The following TRPM6 variants were observed in gnomAD, a reference collection of about 807,000 sequenced individuals.
TRPM6 encodes channel kinase 2.
In TRPM6, 111 loss-of-function variants were observed where a neutral mutation model predicts 247.6. That is an observed-to-expected ratio of 0.45 (90% CI 0.38 to 0.52). TRPM6 has a LOEUF of 0.52. Among genes scored for constraint, TRPM6 ranks in the 20% least tolerant of loss-of-function variants. The probability of loss-of-function intolerance (pLI) is 0.00; values close to 1 mark genes in which losing one functional copy is unlikely to be tolerated. For synonymous variants in TRPM6, 892 were observed against 853.8 expected (o/e 1.04, Z -0.78); for missense variants, 2,126 against 2,421.5 (o/e 0.88, Z 2.56).
chr9:74,858,843 G>T, intron 1 of TRPM6, 95 bp from the exon 2 acceptor site: 1 of 1,002,014 alleles, frequency 1.0e-6, no homozygotes, highest in Non-Finnish European at 1.5e-6. Context: ...CAAGTATCAT[G>T]AATGCTAATT....
chr9:74,867,433 C>T (rs1375026010), intron 1 of TRPM6, among the ~76,000 whole-genome samples: 2 of 152,100 alleles, frequency 1.3e-5, no homozygotes, highest in Non-Finnish European at 2.9e-5. Context: ...TATACCATTC[C>T]CCAGATGGTC....
intron 36 of TRPM6, among the ~76,000 whole-genome samples, chr9:74,738,036 A>G (rs568770467): frequency 6.6e-6 from 1 of 152,314 alleles, no homozygotes; most frequent in East Asian, 1.9e-4. Context: ...AATGAGCTCA[A>G]AATCATGAAA....
Position 74,725,101 on chromosome 9 carries a change from A to G in TRPM6, c.5936-355T>C, listed in dbSNP as rs75705300. Among the ~76,000 whole-genome samples the G allele has an allele frequency of 2.6e-3, 397 of 152,332 alleles. 3 individuals carry two copies. Among genetic ancestry groups the G allele is most frequent in the African/African-American group, 9.1e-3 (380 of 41,580 alleles). ...AATGACAGGCAGAGGCAGAGAGGTC[A>G]GCCAAGAAGGCTGACTCCTCATCTC... On this transcript the variant is annotated intron_variant, in intron 38 of 38. Transcript: ENST00000360774.
intron 1 of TRPM6, among the ~76,000 whole-genome samples, chr9:74,884,656 T>C (rs531591317): frequency 6.6e-6 from 1 of 152,156 alleles, no homozygotes; most frequent in Non-Finnish European, 1.5e-5. Flanking sequence ...TGGATTTCTA[T>C]TTGTAGTATT....
At chr9:74,866,221 TA>T (rs1450643285) in intron 1 of TRPM6, among the ~76,000 whole-genome samples, 1 of 152,230 alleles carries the variant, frequency 6.6e-6, no homozygotes, top group Non-Finnish European at 1.5e-5. Context: ...AAGGTTTATA[TA>T]GACAATGGAG....
At chr9:74,820,453 C>T (rs769674533) in intron 8 of TRPM6, 26 bp from the exon 9 acceptor site, 4 of 1,613,824 alleles carry the variant, frequency 2.5e-6, no homozygotes, top group Middle Eastern at 1.7e-4. Context: ...ATGGTCTTGA[C>T]ACAACCCAGA....
At chr9:74,796,983 A>C in intron 17 of TRPM6, 90 bp from the exon 18 acceptor site, 1 of 1,199,282 alleles carries the variant, frequency 8.3e-7, no homozygotes, top group East Asian at 2.5e-5. Context: ...CAGTGTATAT[A>C]AAATGCCAGA....
At position 74,843,793 on chromosome 9, in the gene TRPM6, C is replaced by G. The variant is rs111566702; in HGVS notation, c.153-1450G>C. 2.9e-3 allele frequency among the ~76,000 whole-genome samples: 390 copies of G among 134,670 alleles called. 3 individuals carry two copies. The highest frequency in any genetic ancestry group is 0.01 in the African/African-American group (358 of 35,432). The allele number at this position is 134,670 out of a possible 152,430, so 88.3% of individuals were successfully genotyped here. On this transcript the variant is annotated intron_variant, in intron 3 of 38. Coordinates refer to ENST00000360774, the MANE Select transcript of TRPM6 (RefSeq NM_017662.5). ...TAGTGCCACTGCACTTCAGCCTGGG[C>G]GACAAAGCAAGACTCCATCTCAAAA...
chr9:74,728,155 C>G (rs563617053), intron 38 of TRPM6, 84 bp downstream of exon 38: 2 of 1,087,378 alleles, frequency 1.8e-6, no homozygotes, highest in African/African-American at 1.6e-5. Flanking sequence ...AATGTGATTA[C>G]GATTTTCTAC....
At chr9:74,863,819 C>T (rs1177789161) in intron 1 of TRPM6, among the ~76,000 whole-genome samples, 1 of 151,810 alleles carries the variant, frequency 6.6e-6, no homozygotes, top group Non-Finnish European at 1.5e-5. Flanking sequence ...AACTCCTGAC[C>T]TTGTTATCCG....
At chr9:74,839,868 A>AGGAAGGAAGGAAGGAAGGAC (rs2118185358) in intron 5 of TRPM6, among the ~76,000 whole-genome samples, 156 bp downstream of exon 5, 1 of 64,254 alleles carries the variant, frequency 1.6e-5, no homozygotes, top group African/African-American at 8.9e-5. Flanking sequence ...GAAGGAAGGA[A>AGGAAGGAAGGAAGGAAGGAC]GGAAGGAAGG....
At chr9:74,839,954 A>AGAGGGAGAGAGG (rs1425235743) in intron 5 of TRPM6, 70 bp downstream of exon 5, 10 of 1,107,086 alleles carry the variant, frequency 9.0e-6, no homozygotes, top group Admixed American at 5.6e-5. Context: ...AAAAAAGAAA[A>AGAGGGAGAGAGG]GAGGGAGAGA....
chr9:74,866,316 A>G (rs1007796557), intron 1 of TRPM6, among the ~76,000 whole-genome samples: 2 of 152,230 alleles, frequency 1.3e-5, no homozygotes, highest in Non-Finnish European at 2.9e-5. Flanking sequence ...GGGGACACTC[A>G]TACCACGTGT....
chr9:74,812,443 G>T lies in TRPM6; in HGVS notation c.1309-10C>A. 1 of 1,612,132 alleles carries T rather than the reference G, an allele frequency of 6.2e-7. No homozygotes were observed. Among genetic ancestry groups the T allele is most frequent in the Non-Finnish European group, 8.5e-7 (1 of 1,179,220 alleles). On this transcript the variant is annotated splice_polypyrimidine_tract_variant and intron_variant, in intron 11 of 38. Coordinates refer to ENST00000360774, the MANE Select transcript of TRPM6 (RefSeq NM_017662.5). ...GTTCCAGGGCATCAGGCTTCAGAAA[G>T]CACAAATAAGAAATATAAAGACAAT...
intron 6 of TRPM6, 75 bp downstream of exon 6, chr9:74,833,923 A>T (rs1213546565): frequency 6.3e-7 from 1 of 1,583,012 alleles, no homozygotes; most frequent in Non-Finnish European, 8.7e-7. Context: ...TTCATTAGAC[A>T]TCCAGGTACA....
intron 3 of TRPM6, among the ~76,000 whole-genome samples, chr9:74,845,276 A>T (rs895391817): frequency 1.3e-5 from 2 of 152,240 alleles, no homozygotes; most frequent in Non-Finnish European, 2.9e-5. Context: ...ATGCAATATC[A>T]GTAAAGCACA....
intron 8 of TRPM6, 107 bp from the exon 9 acceptor site, chr9:74,820,534 T>C (rs1474185566): frequency 2.2e-6 from 3 of 1,364,850 alleles, no homozygotes; most frequent in Admixed American, 1.9e-5. Context: ...AAGGTGTCTA[T>C]GGACAGTTCT....
At chr9:74,882,611 C>T (rs1195918017) in intron 1 of TRPM6, among the ~76,000 whole-genome samples, 1 of 152,108 alleles carries the variant, frequency 6.6e-6, no homozygotes, top group Non-Finnish European at 1.5e-5. Flanking sequence ...CAAAAATTAA[C>T]AAATACTGGC....
chr9:74,842,219 C>T lies in TRPM6; in HGVS notation c.277G>A (p.Asp93Asn). ...TGGAAATTAATCGTGCCAAAAGTAT[C>T]TGTTGGGCTTTTCGTTGTGTGCTTT... is the stretch of plus-strand genomic sequence containing the variant. ...VEKHTTKSPTDTFGTINFQDG... is the reference protein window; with the variant it reads ...VEKHTTKSPTNTFGTINFQDG... The change falls in exon 4 of 39, where the codon GAT (aspartate) becomes AAT (asparagine). Residue 93 changes from aspartate to asparagine, a missense_variant. By Grantham distance (23) the Asp-to-Asn change is conservative. Transcript: ENST00000360774. 1.9e-6 allele frequency: 3 copies of T among 1,613,898 alleles called. No homozygotes were observed. The highest frequency in any genetic ancestry group is 2.5e-6 in the Non-Finnish European group (3 of 1,179,990).
Sources: allele counts gnomAD v4.1 joint callset (sites outside exome capture counted in the v4.1 genomes callset), GRCh38; gene constraint gnomAD v4.1.1; transcripts MANE v1.5; gene names NCBI Gene and HGNC (gene_info 2026-07-23, HGNC 2026-07-21).